The following SCD variants were observed in gnomAD, a reference collection of about 807,000 sequenced individuals.
SCD encodes stearoyl-CoA desaturase, also known as acyl-CoA desaturase.
A neutral mutation model predicts 35.7 loss-of-function variants in SCD; 4 were observed. That is an observed-to-expected ratio of 0.11 (90% CI 0.06 to 0.26). SCD has a LOEUF of 0.26. Among genes scored for constraint, SCD ranks in the 10% least tolerant of loss-of-function variants. The probability of loss-of-function intolerance (pLI) is 1.00; values close to 1 mark genes in which losing one functional copy is unlikely to be tolerated. For synonymous variants in SCD, 150 were observed against 170.2 expected (o/e 0.88, Z 0.92); for missense variants, 282 against 460.7 (o/e 0.61, Z 3.55).
rs1849995449 is a variant in SCD at position 100,362,085 on chromosome 10, A to C, written c.*1152A>C. On this transcript the variant is annotated 3_prime_UTR_variant, in exon 6 of 6. Transcript: ENST00000370355. Reference sequence around the variant, plus strand: ...TCCCTTCCAAAGAGGGATGTTTGGAAAAAACTCTGAAGGAGAGGAGGAATT... The same window carrying C: ...TCCCTTCCAAAGAGGGATGTTTGGACAAAACTCTGAAGGAGAGGAGGAATT... 1 of 152,222 alleles carries C rather than the reference A, an allele frequency of 6.6e-6. No individual in the cohort carries two copies. The highest frequency in any genetic ancestry group is 2.4e-5 in the African/African-American group (1 of 41,458). 9.4% of individuals were successfully genotyped at this position (152,222 alleles called of 1,614,324 possible).
chr10:100,364,716 G>A lies in SCD; in HGVS notation c.*3783G>A, dbSNP rs200895916. ...TTCCCTTTTTATGTGGGATATAGTA[G>A]TTACTTGTGACAAGAATAATTTTGG... On this transcript the variant is annotated 3_prime_UTR_variant, in exon 6 of 6. Coordinates refer to ENST00000370355, the MANE Select transcript of SCD (RefSeq NM_005063.5). The A allele has an allele frequency of 2.0e-5, 3 of 152,542 alleles. No individual in the cohort carries two copies. The highest frequency in any genetic ancestry group is 2.9e-5 in the Non-Finnish European group (2 of 67,996). The allele number at this position is 152,542 out of a possible 1,614,324, so 9.4% of individuals were successfully genotyped here. A position where few individuals can be genotyped will look rare whatever the true frequency, so the allele number is the denominator to read the frequency against.
At chr10:100,357,971 C>T (rs1200576917) in intron 5 of SCD, among the ~76,000 whole-genome samples, 4 of 152,074 alleles carry the variant, frequency 2.6e-5, no homozygotes, top group African/African-American at 9.7e-5. Context: ...AAAAATCTTC[C>T]TTTATATTCT....
At position 100,360,832 on chromosome 10, in the gene SCD, A is replaced by G. The variant is rs752170056; in HGVS notation, c.979A>G (p.Met327Val). 5 of 1,613,978 alleles carry G rather than the reference A, an allele frequency of 3.1e-6. No homozygotes were observed. Among genetic ancestry groups the G allele is most frequent in the Middle Eastern group, 3.3e-4 (2 of 6,056 alleles). Residue 327 changes from methionine to valine, a missense_variant, in exon 6 of 6, where the codon ATG becomes GTG. Met to Val is a conservative substitution (Grantham distance 21, BLOSUM62 1). Coordinates refer to ENST00000370355, the MANE Select transcript of SCD (RefSeq NM_005063.5). ...CTTCACCACATTCTTCATTGATTGC[A>G]TGGCCGCCCTCGGTCTGGCCTATGA... Reference protein sequence around the residue: ...INFTTFFIDCMAALGLAYDRK... With the variant: ...INFTTFFIDCVAALGLAYDRK...
intron 1 of SCD, 94 bp downstream of exon 1, chr10:100,347,625 C>T: frequency 1.4e-6 from 2 of 1,393,706 alleles, no homozygotes; most frequent in Non-Finnish European, 2.0e-6. Flanking sequence ...GGGAGAGCTC[C>T]GCGGAGGACT....
intron 5 of SCD, among the ~76,000 whole-genome samples, chr10:100,358,003 T>C (rs1849945775): frequency 6.6e-6 from 1 of 152,140 alleles, no homozygotes; most frequent in African/African-American, 2.4e-5. Flanking sequence ...ATCTTTATTA[T>C]CTTTTAAATT....
At chr10:100,357,112 G>A (rs1849936350) in intron 5 of SCD, among the ~76,000 whole-genome samples, 1 of 152,186 alleles carries the variant, frequency 6.6e-6, no homozygotes, top group African/African-American at 2.4e-5. Context: ...TCAGGAGTTT[G>A]AGACCAGTCT....
In SCD at chr10:100,352,969, CAA is replaced by C. The variant is rs1383230867; in HGVS notation, c.441+474_441+475del. On this transcript the variant is annotated intron_variant, in intron 3 of 5. Transcript: ENST00000370355. This position sits in a 1 kb window ranked among gnomAD's most constrained non-coding sequence, Gnocchi z 4.2. The stretch of plus-strand genomic sequence containing the variant: ...CACCACTGCACTCCAGCCTGGGTGA[CAA>C]GACCCCAACTTTAAAAAAAAAATTT... Among the ~76,000 whole-genome samples the C allele has an allele frequency of 7.7e-6, 1 of 129,728 alleles. No individual in the cohort carries two copies. Among genetic ancestry groups the C allele is most frequent in the Non-Finnish European group, 1.6e-5 (1 of 63,142 alleles). 85.1% of individuals were successfully genotyped at this position (129,728 alleles called of 152,430 possible).
At chr10:100,353,234 C>A (rs1408666406) in intron 3 of SCD, among the ~76,000 whole-genome samples, 1 of 152,218 alleles carries the variant, frequency 6.6e-6, no homozygotes, top group Non-Finnish European at 1.5e-5. Flanking sequence ...ACCAGCCCAA[C>A]ATTGTGGCCC....
rs186265293 is a variant in SCD at position 100,355,438 on chromosome 10, A to G, written c.647+806A>G. Among the ~76,000 whole-genome samples, 36 of 152,342 alleles carry G rather than the reference A, an allele frequency of 2.4e-4. 1 individual carries two copies. The highest frequency in any genetic ancestry group is 1.5e-3 in the East Asian group (8 of 5,186). On this transcript the variant is annotated intron_variant, in intron 4 of 5. Coordinates refer to ENST00000370355, the MANE Select transcript of SCD (RefSeq NM_005063.5). ...GCAATAGAGTCCTTTTGCTTGAAGT[A>G]TAGGGTATGGGAAGAAGTAAGACTG...
At position 100,356,266 on chromosome 10, in the gene SCD, A is replaced by T. The variant is rs1002632955; in HGVS notation, c.648-266A>T. Among the ~76,000 whole-genome samples the T allele has an allele frequency of 2.6e-5, 4 of 152,104 alleles. No homozygotes were observed. Among genetic ancestry groups the T allele is most frequent in the African/African-American group, 9.7e-5 (4 of 41,422 alleles). The stretch of plus-strand genomic sequence containing the variant: ...ATGGTTCATGCCTGTGGTCCCAGCT[A>T]CTCAGGAGGCTGGGGTGGGAGGATC... On this transcript the variant is annotated intron_variant, in intron 4 of 5. Transcript: ENST00000370355. This position sits in a 1 kb window ranked among gnomAD's most constrained non-coding sequence, Gnocchi z 4.1.
chr10:100,364,052 C>T lies in SCD; in HGVS notation c.*3119C>T, dbSNP rs911371173. The T allele has an allele frequency of 6.6e-6, 1 of 151,292 alleles. No individual in the cohort carries two copies. The highest frequency in any genetic ancestry group is 2.4e-5 in the African/African-American group (1 of 41,026). The allele number at this position is 151,292 out of a possible 1,614,324, so 9.4% of individuals were successfully genotyped here. A position where few individuals can be genotyped will look rare whatever the true frequency, so the allele number is the denominator to read the frequency against. On this transcript the variant is annotated 3_prime_UTR_variant, in exon 6 of 6. Transcript: ENST00000370355. ...TTCATTCTGGAAACTTTTGTTAGGG[C>T]TGCTTTTCTTAAGTGCCCACATTTG... is the stretch of plus-strand genomic sequence containing the variant.
At position 100,362,380 on chromosome 10, in the gene SCD, T is replaced by G. The variant is rs1329863078; in HGVS notation, c.*1447T>G. On this transcript the variant is annotated 3_prime_UTR_variant, in exon 6 of 6. Coordinates refer to ENST00000370355, the MANE Select transcript of SCD (RefSeq NM_005063.5). ...CCACAGTGTTGTGCCCCTTCACTCA[T>G]TTTTTTTTGAGGAGAAGGGGGTCTC... The G allele has an allele frequency of 6.6e-6, 1 of 150,826 alleles. No individual in the cohort carries two copies. The highest frequency in any genetic ancestry group is 1.5e-5 in the Non-Finnish European group (1 of 67,768). 9.3% of individuals were successfully genotyped at this position (150,826 alleles called of 1,614,324 possible).
Position 100,347,473 on chromosome 10 carries a change from C to CT in SCD, c.-31dup. 6.2e-7 allele frequency: 1 copy of CT among 1,613,302 alleles called. No homozygotes were observed. The highest frequency in any genetic ancestry group is 8.5e-7 in the Non-Finnish European group (1 of 1,179,774). ...AACTCCGCTCCGGAGCCTCAGCCCCCTGGAAAGTGATCCCGGCATCCGAGA... is the reference window on the plus strand; with the variant it reads ...AACTCCGCTCCGGAGCCTCAGCCCCCTTGGAAAGTGATCCCGGCATCCGAGA... On this transcript the variant is annotated 5_prime_UTR_variant, in exon 1 of 6. Coordinates refer to ENST00000370355, the MANE Select transcript of SCD (RefSeq NM_005063.5).
rs1850022264 is a variant in SCD at position 100,364,566 on chromosome 10, A to G, written c.*3633A>G. ...TGTCATTAGTCTATATGGTTCTCCA[A>G]GAAACTGAATGAATCCATTGGAGAA... On this transcript the variant is annotated 3_prime_UTR_variant, in exon 6 of 6. Coordinates refer to ENST00000370355, the MANE Select transcript of SCD (RefSeq NM_005063.5). 1 of 152,612 alleles carries G rather than the reference A, an allele frequency of 6.6e-6. No homozygotes were observed. The highest frequency in any genetic ancestry group is 1.5e-5 in the Non-Finnish European group (1 of 68,040). 9.5% of individuals were successfully genotyped at this position (152,612 alleles called of 1,614,324 possible). A position where few individuals can be genotyped will look rare whatever the true frequency, so the allele number is the denominator to read the frequency against.
rs1028161899 is a variant in SCD at position 100,354,328 on chromosome 10, T to C, written c.442-99T>C. ...CCAGATTCCTGGGTATTTTGTGAGG[T>C]TGGGCTGAGCGCCTTGGGCTCTTGA... On this transcript the variant is annotated intron_variant, in intron 3 of 5. Coordinates refer to ENST00000370355, the MANE Select transcript of SCD (RefSeq NM_005063.5). 1.9e-5 allele frequency: 20 copies of C among 1,040,688 alleles called. No homozygotes were observed. In the Middle Eastern group the frequency reaches 6.2e-4, roughly 32 times the overall value. 64.5% of individuals were successfully genotyped at this position (1,040,688 alleles called of 1,614,324 possible). A position where few individuals can be genotyped will look rare whatever the true frequency, so the allele number is the denominator to read the frequency against.
At chr10:100,351,808 T>A (rs1001357616) in intron 2 of SCD, among the ~76,000 whole-genome samples, 3 of 152,154 alleles carry the variant, frequency 2.0e-5, no homozygotes, top group Admixed American at 6.5e-5. Flanking sequence ...GCCAAGCTAA[T>A]TTTTAAAATT....
rs1849933155 is a variant in SCD at position 100,356,783 on chromosome 10, T to G, written c.880+19T>G. On this transcript the variant is annotated intron_variant, in intron 5 of 5. Transcript: ENST00000370355. The surrounding 1 kb of genome is among the most constrained non-coding windows in gnomAD (Gnocchi z 4.1). ...GCTGTGGGTAAGTCAGCTGTCCAAGTAAGACTACATCCAGTGGTCTGCTGA... is the reference window on the plus strand; with the variant it reads ...GCTGTGGGTAAGTCAGCTGTCCAAGGAAGACTACATCCAGTGGTCTGCTGA... 1 of 1,592,080 alleles carries G rather than the reference T, an allele frequency of 6.3e-7. No individual in the cohort carries two copies. The highest frequency in any genetic ancestry group is 1.3e-5 in the African/African-American group (1 of 74,570).
At chr10:100,350,921 C>T (rs1161654731) in intron 2 of SCD, among the ~76,000 whole-genome samples, 1 of 152,164 alleles carries the variant, frequency 6.6e-6, no homozygotes. Context: ...TTGGGGCTGA[C>T]TGGCTCTGTG....
At chr10:100,348,000 C>A in intron 1 of SCD, 64 bp from the exon 2 acceptor site, 1 of 1,500,602 alleles carries the variant, frequency 6.7e-7, no homozygotes, top group Non-Finnish European at 9.1e-7. Context: ...GATTAGAGAG[C>A]GGAGTGGCCC....
Sources: gnomAD v4.1 joint callset for allele counts (sites outside exome capture counted in the v4.1 genomes callset) on GRCh38, gnomAD v4.1.1 for gene constraint, Gnocchi (gnomAD v3.1) non-coding constraint, MANE v1.5 for transcripts, NCBI Gene and HGNC (gene_info 2026-07-23, HGNC 2026-07-21) for gene names.